Variants in RMST observed in about 807,000 individuals in gnomAD.
The protein encoded by RMST is long intergenic non-protein coding RNA 54.
At chr12:97,546,277 CTA>C (rs1882923334) in intron 11 of RMST, among the ~76,000 whole-genome samples, 1 of 151,982 alleles carries the variant, frequency 6.6e-6, no homozygotes, top group African/African-American at 2.4e-5. Context: ...TCTTTCACAT[CTA>C]TGTTTTAAAT....
At chr12:97,531,648 G>A (rs1223453512) in intron 11 of RMST, among the ~76,000 whole-genome samples, 1 of 151,894 alleles carries the variant, frequency 6.6e-6, no homozygotes, top group Non-Finnish European at 1.5e-5. Context: ...ATATGCAGAA[G>A]GCAAGTTTGG....
intron 11 of RMST, among the ~76,000 whole-genome samples, chr12:97,545,572 A>G (rs943496483): frequency 6.6e-6 from 1 of 152,082 alleles, no homozygotes; most frequent in African/African-American, 2.4e-5. Flanking sequence ...CTCTTCTTCT[A>G]TCACCTTCAG....
rs140595153 is a variant in RMST, at chr12:97,508,889, G to A, written n.1340+12833G>A. Among the ~76,000 whole-genome samples, 182 of 152,274 alleles carry A rather than the reference G, an allele frequency of 1.2e-3. 2 individuals carry two copies. The highest frequency in any genetic ancestry group is 4.1e-3 in the African/African-American group (169 of 41,558). On this transcript the variant is annotated intron_variant and non_coding_transcript_variant, in intron 10 of 13. Coordinates refer to ENST00000640149, the Ensembl canonical transcript of RMST. ...ATTGCTTCTGCTTTTTACTACAATC[G>A]TGGAGGTTTAGGCAGAAAGGCTTAA...
At chr12:97,520,745 G>T (rs1234949623) in intron 10 of RMST, among the ~76,000 whole-genome samples, 1 of 152,118 alleles carries the variant, frequency 6.6e-6, no homozygotes, top group Non-Finnish European at 1.5e-5. Context: ...GGCCAGGTTT[G>T]CATAAAAAAT....
chr12:97,472,928 T>G (rs972614165), intron 5 of RMST, among the ~76,000 whole-genome samples: 3 of 152,140 alleles, frequency 2.0e-5, no homozygotes, highest in African/African-American at 7.2e-5. Flanking sequence ...TGAACAGTGT[T>G]GCTAATGGCA....
At chr12:97,478,230 A>G (rs1251425271) in intron 5 of RMST, among the ~76,000 whole-genome samples, 1 of 152,236 alleles carries the variant, frequency 6.6e-6, no homozygotes, top group African/African-American at 2.4e-5. Flanking sequence ...AATTATCAGT[A>G]GATATTTCTC....
At chr12:97,480,550 C>T (rs112408691) in intron 5 of RMST, among the ~76,000 whole-genome samples, 13 of 152,150 alleles carry the variant, frequency 8.5e-5, no homozygotes, top group African/African-American at 2.9e-4. Context: ...TAACATGCAA[C>T]CCAAAGCAGA....
At chr12:97,528,414 C>G (rs1016324957) in intron 10 of RMST, among the ~76,000 whole-genome samples, 4 of 151,936 alleles carry the variant, frequency 2.6e-5, no homozygotes, top group African/African-American at 7.2e-5. Context: ...CTTATAGATA[C>G]TATTGCAATG....
At chr12:97,463,966 A>T (rs1489306706) in intron 4 of RMST, among the ~76,000 whole-genome samples, 2 of 152,206 alleles carry the variant, frequency 1.3e-5, no homozygotes, top group Non-Finnish European at 2.9e-5. Flanking sequence ...CTTAATAGAC[A>T]TTGTTATGGC....
chr12:97,514,886 A>G (rs866296737), intron 10 of RMST, among the ~76,000 whole-genome samples: 1 of 152,170 alleles, frequency 6.6e-6, no homozygotes. Context: ...TTCTGCTGCT[A>G]CACAAACACT....
intron 5 of RMST, among the ~76,000 whole-genome samples, chr12:97,484,890 C>T (rs1875895255): frequency 6.6e-6 from 1 of 152,200 alleles, no homozygotes; most frequent in African/African-American, 2.4e-5. Context: ...TATTTCCTCT[C>T]TACTTCCCCT....
At chr12:97,546,909 T>C (rs1278352570) in intron 11 of RMST, among the ~76,000 whole-genome samples, 2 of 151,990 alleles carry the variant, frequency 1.3e-5, no homozygotes, top group Non-Finnish European at 2.9e-5. Context: ...ATTCCTTCTG[T>C]CTAACTGAAA....
At chr12:97,516,883 A>G (rs1391933616) in intron 10 of RMST, among the ~76,000 whole-genome samples, 2 of 152,048 alleles carry the variant, frequency 1.3e-5, no homozygotes, top group Admixed American at 1.3e-4. Flanking sequence ...ATTGCAAGCT[A>G]CAATATTGTA....
At chr12:97,462,887 T>C (rs981931557) in intron 3 of RMST, 2 of 152,274 alleles carry the variant, frequency 1.3e-5, no homozygotes, top group African/African-American at 4.8e-5. Context: ...GAATCCCCAA[T>C]GACAGTCCCA....
exon 14 of RMST, chr12:97,564,420 C>G (rs1042120404): frequency 6.5e-6 from 1 of 153,230 alleles, no homozygotes; most frequent in Non-Finnish European, 1.5e-5. Context: ...CAATGGGGAA[C>G]ACCTGATGTT....
At chr12:97,475,664 A>G (rs1483790007) in intron 5 of RMST, among the ~76,000 whole-genome samples, 1 of 150,914 alleles carries the variant, frequency 6.6e-6, no homozygotes, top group Non-Finnish European at 1.5e-5. Flanking sequence ...GATCCTTCAC[A>G]CTTTACAGGT....
chr12:97,531,683 C>G (rs1453730505), intron 11 of RMST, among the ~76,000 whole-genome samples: 1 of 151,906 alleles, frequency 6.6e-6, no homozygotes, highest in East Asian at 1.9e-4. Context: ...GTCACACCAC[C>G]ATTACAATAT....
intron 9 of RMST, among the ~76,000 whole-genome samples, chr12:97,495,256 G>A (rs1463228799): frequency 6.6e-6 from 1 of 151,866 alleles, no homozygotes; most frequent in Admixed American, 6.6e-5. Flanking sequence ...ATTCTTAAAT[G>A]TGCACAAACC....
chr12:97,548,884 G>A (rs1411909592), intron 11 of RMST, among the ~76,000 whole-genome samples: 1 of 152,092 alleles, frequency 6.6e-6, no homozygotes. Context: ...TCTAGCAATT[G>A]AATTTTTAAA....
Sources: allele counts gnomAD v4.1 joint callset (sites outside exome capture counted in the v4.1 genomes callset), GRCh38; gene constraint gnomAD v4.1.1; transcripts MANE v1.5; gene names NCBI Gene and HGNC (gene_info 2026-07-23, HGNC 2026-07-21).